TRPM1: variants seen among roughly 807,000 people sequenced by gnomAD.
TRPM1 encodes transient receptor potential cation channel subfamily M member 1, also known as TRPM1-203 APA Isoform, Intron 10.
In TRPM1, 113 loss-of-function variants were observed where a neutral mutation model predicts 149.4. The ratio of observed to expected loss-of-function variants is 0.76; its 90% CI spans 0.65 to 0.88. The LOEUF (loss-of-function observed/expected upper bound fraction) is 0.88. Ranked by LOEUF, TRPM1 falls within the 40% of genes least tolerant of loss-of-function variation. The probability of loss-of-function intolerance (pLI) is 0.00; values close to 1 mark genes in which losing one functional copy is unlikely to be tolerated. For synonymous variants in TRPM1, 741 were observed against 759.5 expected (o/e 0.98, Z 0.40); for missense variants, 1,976 against 2,038.7 (o/e 0.97, Z 0.59).
At chr15:31,039,483 G>T (rs888895758) in intron 18 of TRPM1, among the ~76,000 whole-genome samples, 2 of 152,086 alleles carry the variant, frequency 1.3e-5, no homozygotes, top group Non-Finnish European at 2.9e-5. Context: ...CTCATGGAGA[G>T]CTCTAAAATA....
intron 1 of TRPM1, among the ~76,000 whole-genome samples, chr15:31,112,678 T>A (rs1467701773): frequency 1.3e-5 from 2 of 152,118 alleles, no homozygotes; most frequent in Non-Finnish European, 2.9e-5. Context: ...GAGTACTGCG[T>A]CTGCCCAAAG....
intron 1 of TRPM1, among the ~76,000 whole-genome samples, chr15:31,116,907 G>T (rs1440098529): frequency 1.3e-5 from 2 of 152,190 alleles, no homozygotes; most frequent in Non-Finnish European, 2.9e-5. Flanking sequence ...AATGCATCAT[G>T]TCTGGCTTTC....
exon 1 of TRPM1, chr15:31,161,057 ACACACTCGGCGGCAGCCC>A (rs952255310): frequency 2.2e-4 from 269 of 1,245,102 alleles, no homozygotes; most frequent in Admixed American, 4.4e-4. Context: ...GAGCGGAGCC[ACACACTCGGCGGCAGCCC>A]CACACTCGGC....
At chr15:31,072,079 T>C (rs2034576042) in intron 3 of TRPM1, among the ~76,000 whole-genome samples, 1 of 148,106 alleles carries the variant, frequency 6.8e-6, no homozygotes, top group African/African-American at 2.5e-5. Flanking sequence ...TTGACAGATA[T>C]GTGCAACCAT....
chr15:31,113,454 T>G (rs1036865298), intron 1 of TRPM1, among the ~76,000 whole-genome samples: 6 of 151,648 alleles, frequency 4.0e-5, no homozygotes, highest in African/African-American at 1.5e-4. Flanking sequence ...TCAAAATCTC[T>G]AAGGTATAGA....
At position 31,060,715 on chromosome 15, in the gene TRPM1, T is replaced by A. The variant is rs1447513198; in HGVS notation, c.1163-71A>T. The A allele has an allele frequency of 4.7e-6, 6 of 1,270,094 alleles. No homozygotes were observed. The East Asian group carries it at 7.2e-5, about 15-fold the overall frequency. 78.7% of individuals were successfully genotyped at this position (1,270,094 alleles called of 1,614,324 possible). ...CCGCCAGGGTTTGGCAGGTGCTGGG[T>A]GGTGAGCACAGGCTTCCCTTGGGCT... On this transcript the variant is annotated intron_variant, in intron 10 of 27. Transcript: ENST00000256552.
intron 1 of TRPM1, among the ~76,000 whole-genome samples, chr15:31,116,975 G>A (rs561054303): frequency 6.6e-6 from 1 of 152,346 alleles, no homozygotes; most frequent in African/African-American, 2.4e-5. Context: ...AAGAGAGAAA[G>A]CAAGCAAGGG....
At position 31,004,230 on chromosome 15, in the gene TRPM1, G is replaced by A. The variant is rs139078855; in HGVS notation, c.3630-1160C>T. On this transcript the variant is annotated intron_variant, in intron 27 of 27. Coordinates refer to ENST00000256552, the MANE Select transcript of TRPM1 (RefSeq NM_001252024.2). ...TACGAAGGTCTTTGCTACCTTCTCT[G>A]CACATCCTTATACATGTCCTCACTC... 6.1e-4 allele frequency among the ~76,000 whole-genome samples: 92 copies of A among 151,876 alleles called. No individual in the cohort carries two copies. In the East Asian group the frequency reaches 7.0e-3, roughly 12 times the overall value.
intron 27 of TRPM1, among the ~76,000 whole-genome samples, chr15:31,007,643 AGCAGC>A (rs199852281): frequency 1.9e-3 from 91 of 48,000 alleles, no homozygotes; most frequent in African/African-American, 7.6e-3. Context: ...CTATAACAAC[AGCAGC>A]GCAGCAACAA....
chr15:31,112,921 C>T (rs1567061824), intron 1 of TRPM1, among the ~76,000 whole-genome samples: 1 of 152,172 alleles, frequency 6.6e-6, no homozygotes. Flanking sequence ...TTCTGAAATA[C>T]CTCTTAATAT....
At chr15:31,120,419 T>C (rs978751083) in intron 1 of TRPM1, among the ~76,000 whole-genome samples, 3 of 152,182 alleles carry the variant, frequency 2.0e-5, no homozygotes, top group Non-Finnish European at 4.4e-5. Flanking sequence ...CTTACAGAAC[T>C]GCAAGGAGAA....
chr15:31,097,969 T>C (rs1567053751), intron 1 of TRPM1, among the ~76,000 whole-genome samples: 1 of 152,234 alleles, frequency 6.6e-6, no homozygotes, highest in Non-Finnish European at 1.5e-5. Flanking sequence ...GTGTTTGGTA[T>C]TGACTACATG....
At chr15:31,114,201 G>A (rs2141027979) in intron 1 of TRPM1, among the ~76,000 whole-genome samples, 1 of 152,270 alleles carries the variant, frequency 6.6e-6, no homozygotes, top group South Asian at 2.1e-4. Flanking sequence ...CCCAGTGTGT[G>A]TTGTTCCCCT....
In TRPM1 at chr15:31,040,260, A is replaced by T. The variant is rs1210940864; in HGVS notation, c.2174T>A (p.Leu725Gln). 6.2e-7 allele frequency: 1 copy of T among 1,614,064 alleles called. No individual in the cohort carries two copies. Among genetic ancestry groups the T allele is most frequent in the East Asian group, 2.2e-5 (1 of 44,904 alleles). ...GCAGGTCGAGTTGCTCCAGTTTTTC[A>T]GCTCGTAGGTCAGGAGTTTCATAGC... ...QIAMKLLTYE[L>Q]KNWSNSTCLK... The change falls in exon 18 of 28, where the codon CTG becomes CAG. Residue 725 changes from leucine to glutamine, a missense_variant. By Grantham distance (113) the Leu-to-Gln change is moderately radical (BLOSUM62 -2). This residue lies in a region of TRPM1 where 1,332 missense variants were observed against 1,347.1 expected (regional missense o/e 0.99). Coordinates refer to ENST00000256552, the MANE Select transcript of TRPM1 (RefSeq NM_001252024.2). This position sits in a 1 kb window ranked among gnomAD's most constrained non-coding sequence, Gnocchi z 4.2.
chr15:31,118,205 C>A (rs2035828229), intron 1 of TRPM1, among the ~76,000 whole-genome samples: 1 of 152,114 alleles, frequency 6.6e-6, no homozygotes, highest in South Asian at 2.1e-4. Context: ...TTGCAATGAG[C>A]TGAGATTGCA....
At chr15:31,080,920 G>A (rs1451481392) in intron 2 of TRPM1, among the ~76,000 whole-genome samples, 1 of 152,144 alleles carries the variant, frequency 6.6e-6, no homozygotes, top group Non-Finnish European at 1.5e-5. Context: ...GTGAAAGGGG[G>A]AAACGCAGCC....
At chr15:31,080,753 C>G (rs891207308) in intron 2 of TRPM1, among the ~76,000 whole-genome samples, 1 of 151,050 alleles carries the variant, frequency 6.6e-6, no homozygotes, top group Non-Finnish European at 1.5e-5. Context: ...ATAGTCCCGC[C>G]CCTCGTCCTT....
intron 1 of TRPM1, among the ~76,000 whole-genome samples, chr15:31,145,958 T>A (rs2036219881): frequency 1.3e-5 from 2 of 151,674 alleles, no homozygotes. Context: ...AAACATCTCA[T>A]AATGTTTTAA....
intron 1 of TRPM1, among the ~76,000 whole-genome samples, chr15:31,125,194 CAAAAAACAAAAA>C (rs2035931640): frequency 6.6e-6 from 1 of 151,618 alleles, no homozygotes; most frequent in Admixed American, 6.6e-5. Context: ...CAAAACAAAA[CAAAAAACAAAAA>C]AACTCAGAAT....
Sources: gnomAD v4.1 joint callset for allele counts (sites outside exome capture counted in the v4.1 genomes callset) on GRCh38, gnomAD v4.1.1 for gene constraint, gnomAD v4.1.1 regional missense constraint, Gnocchi (gnomAD v3.1) non-coding constraint, MANE v1.5 for transcripts, NCBI Gene and HGNC (gene_info 2026-07-23, HGNC 2026-07-21) for gene names.